Variants in NOL4L observed in about 807,000 individuals in gnomAD.
The protein encoded by NOL4L is nucleolar protein 4-like.
Under a neutral mutation model 64.5 loss-of-function variants are expected in NOL4L, and 7 were observed. The observed-to-expected ratio is 0.11, with a 90% confidence interval of 0.06 to 0.20. NOL4L has a LOEUF of 0.20. Ranked by LOEUF, NOL4L falls within the 10% of genes least tolerant of loss-of-function variation. The pLI is 1.00. For synonymous variants in NOL4L, 413 were observed against 401.0 expected (o/e 1.03, Z -0.36); for missense variants, 680 against 967.1 (o/e 0.70, Z 3.94).
At chr20:32,569,229 A>AG (rs967253383) in intron 1 of NOL4L, among the ~76,000 whole-genome samples, 1 of 152,138 alleles carries the variant, frequency 6.6e-6, no homozygotes, top group Non-Finnish European at 1.5e-5. Context: ...AGTGACGTCC[A>AG]GGGGAACAGC....
In NOL4L at chr20:32,461,416, C is replaced by CTT. The variant is rs1347135672; in HGVS notation, c.842-5023_842-5022dup. On this transcript the variant is annotated intron_variant, in intron 5 of 10. Coordinates refer to ENST00000621426, the MANE Select transcript of NOL4L (RefSeq NM_001256798.2). ...CTGGCACACTGACCCCTCTACCTTTCTTTTCTTTTTTTTTTTTTTTTTTTG... is the reference window on the plus strand; with the variant it reads ...CTGGCACACTGACCCCTCTACCTTTCTTTTTTCTTTTTTTTTTTTTTTTTTTG... 4.9e-5 allele frequency among the ~76,000 whole-genome samples: 3 copies of CTT among 61,158 alleles called. 1 individual carries two copies. Among genetic ancestry groups the CTT allele is most frequent in the African/African-American group, 5.1e-5 (1 of 19,528 alleles). The allele number at this position is 61,158 out of a possible 152,430, so 40.1% of individuals were successfully genotyped here.
intron 1 of NOL4L, among the ~76,000 whole-genome samples, chr20:32,555,612 C>T (rs950654423): frequency 6.6e-6 from 1 of 152,060 alleles, no homozygotes; most frequent in Non-Finnish European, 1.5e-5. Context: ...CAGGACCTTT[C>T]AAGAGGTGAC....
At chr20:32,478,271 ACACT>A (rs780219035) in intron 4 of NOL4L, among the ~76,000 whole-genome samples, 166 of 127,250 alleles carry the variant, frequency 1.3e-3, no homozygotes, top group African/African-American at 3.5e-3. Context: ...ACACACACAC[ACACT>A]CTCTCTCTCT....
At chr20:32,535,694 A>C in intron 1 of NOL4L, 1 of 985,460 alleles carries the variant, frequency 1.0e-6, no homozygotes, top group Non-Finnish European at 1.2e-6. Flanking sequence ...TCCTCCAAGC[A>C]GCTCTGAGTC....
At chr20:32,485,086 A>C (rs1186021940) in intron 4 of NOL4L, among the ~76,000 whole-genome samples, 3 of 145,586 alleles carry the variant, frequency 2.1e-5, no homozygotes, top group South Asian at 2.2e-4. Context: ...AAAAAAAAAA[A>C]ACAACTAAAA....
At chr20:32,515,839 C>T (rs1254856869) in intron 3 of NOL4L, among the ~76,000 whole-genome samples, 2 of 152,224 alleles carry the variant, frequency 1.3e-5, no homozygotes, top group East Asian at 3.8e-4. Context: ...CAGCAGGTTG[C>T]TGGCAAGAGA....
At chr20:32,491,254 A>G (rs2016457296) in intron 4 of NOL4L, among the ~76,000 whole-genome samples, 1 of 152,204 alleles carries the variant, frequency 6.6e-6, no homozygotes, top group Non-Finnish European at 1.5e-5. Flanking sequence ...CATTCTAGGA[A>G]GGAAGTCCCC....
chr20:32,562,131 C>T (rs925250189), intron 1 of NOL4L, among the ~76,000 whole-genome samples: 1 of 152,200 alleles, frequency 6.6e-6, no homozygotes, highest in South Asian at 2.1e-4. Context: ...ACCCTAAGCA[C>T]TCAGGGAGGC....
intron 1 of NOL4L, among the ~76,000 whole-genome samples, chr20:32,581,131 C>G (rs966278418): frequency 6.6e-6 from 1 of 152,180 alleles, no homozygotes; most frequent in South Asian, 2.1e-4. Flanking sequence ...CCCACCAGCA[C>G]CCCTAGCTGC....
chr20:32,511,178 C>T, intron 4 of NOL4L, 169 bp downstream of exon 4: 1 of 554,782 alleles, frequency 1.8e-6, no homozygotes, highest in Non-Finnish European at 3.2e-6. Flanking sequence ...ACGAGAAACA[C>T]ATTCTTGCCT....
intron 3 of NOL4L, among the ~76,000 whole-genome samples, chr20:32,516,932 CAG>C (rs1216475656): frequency 6.6e-6 from 1 of 152,234 alleles, no homozygotes; most frequent in Non-Finnish European, 1.5e-5. Flanking sequence ...TCAAAGAAAA[CAG>C]AGACATGCCT....
chr20:32,583,393 C>T (rs1980622537), intron 1 of NOL4L, among the ~76,000 whole-genome samples: 1 of 150,214 alleles, frequency 6.7e-6, no homozygotes. Context: ...TGTGAAGAGC[C>T]CGCTCCGGCC....
chr20:32,538,798 G>A (rs566758905), intron 1 of NOL4L, among the ~76,000 whole-genome samples: 4 of 152,324 alleles, frequency 2.6e-5, no homozygotes, highest in East Asian at 1.9e-4. Context: ...CCAGGGCGTC[G>A]CTCCCGTCTA....
In NOL4L at chr20:32,445,850, A is replaced by G. The variant is rs2145414001; in HGVS notation, c.*1746T>C. 1 of 151,296 alleles carries G rather than the reference A, an allele frequency of 6.6e-6. No individual in the cohort carries two copies. Among genetic ancestry groups the G allele is most frequent in the African/African-American group, 2.5e-5 (1 of 40,556 alleles). The allele number at this position is 151,296 out of a possible 1,614,324, so 9.4% of individuals were successfully genotyped here. Reference sequence around the variant, plus strand: ...TTCAGAGTTCTGGACCTGAGGCAGGATGGGGCATCCTCACTGGTGCCCCCC... The same window carrying G: ...TTCAGAGTTCTGGACCTGAGGCAGGGTGGGGCATCCTCACTGGTGCCCCCC... On this transcript the variant is annotated 3_prime_UTR_variant, in exon 11 of 11. Coordinates refer to ENST00000621426, the MANE Select transcript of NOL4L (RefSeq NM_001256798.2).
At chr20:32,500,823 T>C (rs993490322) in intron 4 of NOL4L, among the ~76,000 whole-genome samples, 4 of 152,148 alleles carry the variant, frequency 2.6e-5, no homozygotes, top group African/African-American at 9.7e-5. Context: ...AAAGCTCCAA[T>C]GGCCAAAGCT....
At chr20:32,501,586 G>A (rs903554260) in intron 4 of NOL4L, among the ~76,000 whole-genome samples, 2 of 152,068 alleles carry the variant, frequency 1.3e-5, no homozygotes, top group African/African-American at 4.8e-5. Flanking sequence ...TTGATAATAC[G>A]GGAAACTGTG....
intron 4 of NOL4L, among the ~76,000 whole-genome samples, chr20:32,481,371 G>A (rs928644694): frequency 6.4e-4 from 97 of 152,204 alleles, no homozygotes; most frequent in African/African-American, 2.2e-3. Context: ...AAGGAAGGCT[G>A]GAAGGGAGCC....
At chr20:32,572,629 T>C (rs1000770637) in intron 1 of NOL4L, 4 of 152,036 alleles carry the variant, frequency 2.6e-5, no homozygotes, top group Non-Finnish European at 5.9e-5. Flanking sequence ...CAGCCTCTGA[T>C]TGGAGCAGCA....
At chr20:32,485,547 T>C in intron 4 of NOL4L, 1 of 330,546 alleles carries the variant, frequency 3.0e-6, no homozygotes, top group Non-Finnish European at 6.1e-6. Flanking sequence ...TTTACTCATT[T>C]GCACCTTTTA....
Sources: gnomAD v4.1 joint callset for allele counts (sites outside exome capture counted in the v4.1 genomes callset) on GRCh38, gnomAD v4.1.1 for gene constraint, MANE v1.5 for transcripts, NCBI Gene and HGNC (gene_info 2026-07-23, HGNC 2026-07-21) for gene names.